LIMCH1: variants seen among roughly 807,000 people sequenced by gnomAD.
LIMCH1 encodes the protein LIM and calponin homology domains-containing protein 1.
In LIMCH1, 113 loss-of-function variants were observed where a neutral mutation model predicts 176.5. The observed-to-expected ratio is 0.64, with a 90% CI of 0.55 to 0.75. The LOEUF (loss-of-function observed/expected upper bound fraction) is 0.75. Among genes scored for constraint, LIMCH1 ranks in the 30% least tolerant of loss-of-function variants. The probability of loss-of-function intolerance (pLI) is 0.00; values close to 1 mark genes in which losing one functional copy is unlikely to be tolerated. For synonymous variants in LIMCH1, 619 were observed against 645.9 expected (o/e 0.96, Z 0.63); for missense variants, 1,674 against 1,814.9 (o/e 0.92, Z 1.41).
intron 1 of LIMCH1, among the ~76,000 whole-genome samples, chr4:41,572,663 T>A (rs986676949): frequency 2.6e-5 from 4 of 152,160 alleles, no homozygotes; most frequent in African/African-American, 9.7e-5. Context: ...TAATGCAAGG[T>A]CAGGCTGAAA....
intron 2 of LIMCH1, among the ~76,000 whole-genome samples, chr4:41,511,561 T>G (rs2074926343): frequency 6.6e-6 from 1 of 152,258 alleles, no homozygotes; most frequent in Non-Finnish European, 1.5e-5. Flanking sequence ...ATTTTAACTT[T>G]CTATTAGATG....
chr4:41,577,094 G>C (rs2084612538), intron 1 of LIMCH1, among the ~76,000 whole-genome samples: 1 of 151,980 alleles, frequency 6.6e-6, no homozygotes, highest in Non-Finnish European at 1.5e-5. Context: ...AGTACACATG[G>C]ATTTTAATAT....
At chr4:41,605,483 G>A (rs1233524396) in intron 3 of LIMCH1, among the ~76,000 whole-genome samples, 2 of 152,098 alleles carry the variant, frequency 1.3e-5, no homozygotes, top group African/African-American at 2.4e-5. Flanking sequence ...GAAATTATGG[G>A]CCTTCAAAAG....
intron 1 of LIMCH1, among the ~76,000 whole-genome samples, chr4:41,460,458 C>CAATATATATATATATA (rs1554057132): frequency 9.0e-6 from 1 of 110,546 alleles, no homozygotes; most frequent in South Asian, 3.7e-4. Context: ...TAGTAATCAT[C>CAATATATATATATATA]TATATATATA....
chr4:41,623,432 T>G (rs536604695), intron 7 of LIMCH1, among the ~76,000 whole-genome samples: 1 of 152,156 alleles, frequency 6.6e-6, no homozygotes, highest in Non-Finnish European at 1.5e-5. Context: ...TTGTAGACTG[T>G]TTTTTGTTTG....
chr4:41,456,348 T>C (rs2064593994), intron 1 of LIMCH1, among the ~76,000 whole-genome samples: 1 of 152,174 alleles, frequency 6.6e-6, no homozygotes, highest in South Asian at 2.1e-4. Context: ...TTGTTTTGGG[T>C]GTGTGCGTGT....
At chr4:41,433,138 TC>T (rs1181664682) in intron 1 of LIMCH1, among the ~76,000 whole-genome samples, 1 of 152,198 alleles carries the variant, frequency 6.6e-6, no homozygotes, top group African/African-American at 2.4e-5. Context: ...TGCAAGTGGT[TC>T]TTTGGCTACA....
chr4:41,613,069 G>A, intron 4 of LIMCH1: 2 of 1,552,190 alleles, frequency 1.3e-6, no homozygotes, highest in Non-Finnish European at 1.7e-6. Context: ...GGACAGACAT[G>A]CAGTTATGGA....
chr4:41,411,687 G>A (rs935084232), intron 1 of LIMCH1, among the ~76,000 whole-genome samples: 26 of 93,566 alleles, frequency 2.8e-4, no homozygotes, highest in African/African-American at 6.3e-4. Flanking sequence ...TAGGCTGGGT[G>A]TGGTGGCTCA....
intron 2 of LIMCH1, among the ~76,000 whole-genome samples, chr4:41,498,616 A>G (rs2072641946): frequency 6.6e-6 from 1 of 152,242 alleles, no homozygotes; most frequent in South Asian, 2.1e-4. Flanking sequence ...TTATGCTGTT[A>G]GAAATATCAA....
chr4:41,489,666 T>A (rs1375086783), intron 1 of LIMCH1, among the ~76,000 whole-genome samples: 1 of 152,174 alleles, frequency 6.6e-6, no homozygotes, highest in East Asian at 1.9e-4. Context: ...GAATTCTTTT[T>A]TTTATTTTTT....
chr4:41,696,585 A>G (rs548296501), intron 31 of LIMCH1, among the ~76,000 whole-genome samples: 1 of 152,342 alleles, frequency 6.6e-6, no homozygotes, highest in South Asian at 2.1e-4. Context: ...CAAATATTGC[A>G]TGCTCTGGAT....
At chr4:41,393,729 A>G (rs893840834) in intron 1 of LIMCH1, among the ~76,000 whole-genome samples, 5 of 152,372 alleles carry the variant, frequency 3.3e-5, no homozygotes, top group African/African-American at 4.8e-5. Context: ...TTTTATCTTT[A>G]ACCTATAAAA....
chr4:41,631,621 TC>T (rs899745210), intron 10 of LIMCH1, 144 bp downstream of exon 10: 53 of 669,008 alleles, frequency 7.9e-5, no homozygotes, highest in South Asian at 5.6e-5. Flanking sequence ...TGTTAGCGGG[TC>T]CCCCTGCGGG....
intron 1 of LIMCH1, among the ~76,000 whole-genome samples, chr4:41,362,264 A>G (rs754476032): frequency 1.3e-5 from 2 of 152,240 alleles, no homozygotes; most frequent in African/African-American, 2.4e-5. Flanking sequence ...AATGAACATC[A>G]GGGCTGTCTT....
chr4:41,483,780 G>A (rs2069059127), intron 1 of LIMCH1, among the ~76,000 whole-genome samples: 1 of 152,146 alleles, frequency 6.6e-6, no homozygotes, highest in Non-Finnish European at 1.5e-5. Flanking sequence ...CTTATCTCAG[G>A]ACCAACTCAA....
chr4:41,469,591 T>G (rs924793107), intron 1 of LIMCH1, among the ~76,000 whole-genome samples: 8 of 152,224 alleles, frequency 5.3e-5, no homozygotes. Flanking sequence ...ATTTATTTAT[T>G]TGAATCCCAA....
chr4:41,519,108 G>A (rs951914748), intron 2 of LIMCH1, among the ~76,000 whole-genome samples: 2 of 152,160 alleles, frequency 1.3e-5, no homozygotes, highest in African/African-American at 4.8e-5. Flanking sequence ...TCTATAGAAT[G>A]TGTGCAAAGC....
At chr4:41,569,009 AC>A (rs539388328) in intron 1 of LIMCH1, among the ~76,000 whole-genome samples, 9 of 152,100 alleles carry the variant, frequency 5.9e-5, no homozygotes, top group Non-Finnish European at 1.0e-4. Flanking sequence ...ATTAAAAAAA[AC>A]AATTTAGTGC....
Sources: allele counts gnomAD v4.1 joint callset (sites outside exome capture counted in the v4.1 genomes callset), GRCh38; gene constraint gnomAD v4.1.1; transcripts MANE v1.5; gene names NCBI Gene and HGNC (gene_info 2026-07-23, HGNC 2026-07-21).